ZYG11B: variants seen among roughly 807,000 people sequenced by gnomAD.
ZYG11B encodes protein zyg-11 homolog B.
A neutral mutation model predicts 82.4 loss-of-function variants in ZYG11B; 36 were observed. The ratio of observed to expected loss-of-function variants is 0.44; its 90% CI spans 0.33 to 0.58. ZYG11B has a LOEUF of 0.58. Ranked by LOEUF, ZYG11B falls within the 20% of genes least tolerant of loss-of-function variation. The probability of loss-of-function intolerance (pLI) is 0.02; values close to 1 mark genes in which losing one functional copy is unlikely to be tolerated. For missense variants in ZYG11B, 552 were observed against 895.6 expected (o/e 0.62, Z 4.90); for synonymous variants, 303 against 312.8 (o/e 0.97, Z 0.33).
rs925523584 is a variant in ZYG11B, at chr1:52,822,442, C to A, written c.*813C>A. ...TGTGTTAAAGACTAACTGTCTACAT[C>A]TCCATATGTTGTAGTGTTGTGAAAA... On this transcript the variant is annotated 3_prime_UTR_variant, in exon 14 of 14. Coordinates refer to ENST00000294353, the MANE Select transcript of ZYG11B (RefSeq NM_024646.3). The A allele has an allele frequency of 6.6e-6, 1 of 152,208 alleles. No individual in the cohort carries two copies. Among genetic ancestry groups the A allele is most frequent in the African/African-American group, 2.4e-5 (1 of 41,458 alleles). The allele number at this position is 152,208 out of a possible 1,614,324, so 9.4% of individuals were successfully genotyped here. A position where few individuals can be genotyped will look rare whatever the true frequency, so the allele number is the denominator to read the frequency against.
At chr1:52,803,237 TATAC>T (rs1249279352) in intron 10 of ZYG11B, among the ~76,000 whole-genome samples, 1,517 of 68,542 alleles carry the variant, frequency 0.022, 191 homozygotes, top group African/African-American at 0.14. Flanking sequence ...CACATATATA[TATAC>T]ACACACACAT....
In ZYG11B at chr1:52,802,199, C is replaced by T. The variant is rs1014602368; in HGVS notation, c.1695+60C>T. 1.9e-6 allele frequency: 3 copies of T among 1,543,188 alleles called. No homozygotes were observed. In the African/African-American group the frequency reaches 4.2e-5, roughly 21 times the overall value. On this transcript the variant is annotated intron_variant, in intron 10 of 13. Transcript: ENST00000294353. ...TATATTTATTTTCTGTCTGAAGTAA[C>T]ACATTGAAAGTTGCAGCTCTGCAGT...
At position 52,788,690 on chromosome 1, in the gene ZYG11B, G is replaced by A. The variant is rs1306685863; in HGVS notation, c.1270-1313G>A. Among the ~76,000 whole-genome samples, 4 of 152,044 alleles carry A rather than the reference G, an allele frequency of 2.6e-5. No individual in the cohort carries two copies. In the East Asian group the frequency reaches 5.8e-4, roughly 22 times the overall value. On this transcript the variant is annotated intron_variant, in intron 5 of 13. Transcript: ENST00000294353. ...GGCTGCAGTGAGCTATGATTGTGCC[G>A]CTGCATTCCAGCCTGGGTGACAGAG... is the stretch of plus-strand genomic sequence containing the variant.
chr1:52,751,648 A>C (rs971108819), intron 1 of ZYG11B, among the ~76,000 whole-genome samples: 18 of 150,782 alleles, frequency 1.2e-4, no homozygotes, highest in African/African-American at 2.7e-4. Flanking sequence ...CACACAAAAA[A>C]CCCCCCAAAA....
chr1:52,786,439 T>C (rs1348663398), intron 5 of ZYG11B, among the ~76,000 whole-genome samples: 4 of 152,184 alleles, frequency 2.6e-5, no homozygotes, highest in Non-Finnish European at 4.4e-5. Flanking sequence ...AAAGTCGTTA[T>C]ATATTTTTAA....
At chr1:52,758,004 A>G (rs1293041108) in intron 2 of ZYG11B, among the ~76,000 whole-genome samples, 3 of 152,044 alleles carry the variant, frequency 2.0e-5, no homozygotes, top group Non-Finnish European at 4.4e-5. Flanking sequence ...GTTCGAGACC[A>G]GCCTGACCCA....
chr1:52,788,794 T>C (rs1041085242), intron 5 of ZYG11B, among the ~76,000 whole-genome samples: 8 of 152,128 alleles, frequency 5.3e-5, no homozygotes, highest in Non-Finnish European at 8.8e-5. Context: ...TTGCCCTGAG[T>C]TGAATTGTGA....
intron 10 of ZYG11B, among the ~76,000 whole-genome samples, chr1:52,807,288 C>G (rs1313913715): frequency 1.3e-5 from 2 of 151,932 alleles, no homozygotes; most frequent in African/African-American, 4.8e-5. Flanking sequence ...AGGCGTGAGG[C>G]ACCATCCCAG....
chr1:52,799,153 G>A (rs1359620075), intron 8 of ZYG11B, among the ~76,000 whole-genome samples: 4 of 151,994 alleles, frequency 2.6e-5, no homozygotes, highest in African/African-American at 9.6e-5. Context: ...ATGTAGATAT[G>A]GTTGTAACAA....
chr1:52,767,818 A>C lies in ZYG11B; in HGVS notation c.197-3202A>C, dbSNP rs1345222509. Among the ~76,000 whole-genome samples, 4 of 152,258 alleles carry C rather than the reference A, an allele frequency of 2.6e-5. No homozygotes were observed. The East Asian group carries it at 7.7e-4, about 29-fold the overall frequency. ...GCCTCATTACTGTTGGGCAGTTGTG[A>C]AAGTCCTGACTTTCCACTAGACTTC... is the stretch of plus-strand genomic sequence containing the variant. On this transcript the variant is annotated intron_variant, in intron 2 of 13. Coordinates refer to ENST00000294353, the MANE Select transcript of ZYG11B (RefSeq NM_024646.3).
intron 6 of ZYG11B, among the ~76,000 whole-genome samples, chr1:52,794,319 T>G (rs1644988845): frequency 6.6e-6 from 1 of 151,954 alleles, no homozygotes; most frequent in East Asian, 1.9e-4. Flanking sequence ...TGGAAACTAG[T>G]GGAGACAGGG....
At chr1:52,765,283 G>A (rs1644672637) in intron 2 of ZYG11B, among the ~76,000 whole-genome samples, 1 of 151,952 alleles carries the variant, frequency 6.6e-6, no homozygotes, top group Non-Finnish European at 1.5e-5. Context: ...GCTCACTGCA[G>A]CCTTGAACTC....
chr1:52,772,685 T>C, intron 3 of ZYG11B: 1 of 739,056 alleles, frequency 1.4e-6, no homozygotes, highest in Non-Finnish European at 2.4e-6. Flanking sequence ...CTTGTTTTTT[T>C]TTTTTCTTTT....
At chr1:52,749,061 A>G (rs1295087368) in intron 1 of ZYG11B, among the ~76,000 whole-genome samples, 1 of 150,120 alleles carries the variant, frequency 6.7e-6, no homozygotes, top group Non-Finnish European at 1.5e-5. Context: ...AAATTAGTTA[A>G]GTGTGGTGCC....
At chr1:52,788,727 C>G (rs1401983130) in intron 5 of ZYG11B, among the ~76,000 whole-genome samples, 1 of 152,104 alleles carries the variant, frequency 6.6e-6, no homozygotes, top group African/African-American at 2.4e-5. Context: ...GAGACCCTGT[C>G]TCAAAAACAA....
intron 8 of ZYG11B, among the ~76,000 whole-genome samples, chr1:52,797,628 C>T (rs576990794): frequency 6.7e-6 from 1 of 149,168 alleles, no homozygotes; most frequent in Admixed American, 6.8e-5. Flanking sequence ...CCTGCCTCAG[C>T]CTCCCGAGTA....
At chr1:52,783,985 CAT>C (rs1553260890) in intron 4 of ZYG11B, among the ~76,000 whole-genome samples, 33 of 146,246 alleles carry the variant, frequency 2.3e-4, no homozygotes, top group South Asian at 6.7e-4. Flanking sequence ...CACACACACA[CAT>C]ATATATATAT....
chr1:52,781,371 C>T (rs1339643503), intron 4 of ZYG11B, among the ~76,000 whole-genome samples: 1 of 152,060 alleles, frequency 6.6e-6, no homozygotes, highest in African/African-American at 2.4e-5. Context: ...TGGTGGCACG[C>T]ACCTGTAGTC....
At chr1:52,798,291 T>C (rs1490337423) in intron 8 of ZYG11B, among the ~76,000 whole-genome samples, 1 of 152,006 alleles carries the variant, frequency 6.6e-6, no homozygotes, top group African/African-American at 2.4e-5. Flanking sequence ...GGAAAATTAC[T>C]TGAACCATTG....
Sources: allele counts gnomAD v4.1 joint callset (sites outside exome capture counted in the v4.1 genomes callset), GRCh38; gene constraint gnomAD v4.1.1; transcripts MANE v1.5; gene names NCBI Gene and HGNC (gene_info 2026-07-23, HGNC 2026-07-21).